The following SERPINB9 variants were observed in gnomAD, a reference collection of about 807,000 sequenced individuals.
SERPINB9 encodes serpin B9.
A neutral mutation model predicts 27.2 loss-of-function variants in SERPINB9; 20 were observed. The observed-to-expected ratio is 0.74, with a 90% CI of 0.52 to 1.07. SERPINB9 has a LOEUF of 1.07. Ranked by LOEUF, SERPINB9 falls within the 50% of genes least tolerant of loss-of-function variation. The probability of loss-of-function intolerance (pLI) is 0.00; values close to 1 mark genes in which losing one functional copy is unlikely to be tolerated. For synonymous variants in SERPINB9, 189 were observed against 180.0 expected, an observed-to-expected ratio of 1.05 and a Z score of -0.40; for missense variants, 476 against 460.1, an observed-to-expected ratio of 1.03 and a Z score of -0.32.
Position 2,894,043 on chromosome 6 carries a change from T to A in SERPINB9, c.425-490A>T, listed in dbSNP as rs556386160. 2.0e-3 allele frequency among the ~76,000 whole-genome samples: 310 copies of A among 152,244 alleles called. No individual in the cohort carries two copies. The highest frequency in any genetic ancestry group is 3.3e-3 in the Non-Finnish European group (227 of 68,002). On this transcript the variant is annotated intron_variant, in intron 4 of 6. Transcript: ENST00000380698. The surrounding 1 kb of genome is among the most constrained non-coding windows in gnomAD (Gnocchi z 4.7). ...AAGCTTTTGGAGGAGATATTCCTGCTGAATCCCCTCAACAAAGCACTAGGC... is the reference window on the plus strand; with the variant it reads ...AAGCTTTTGGAGGAGATATTCCTGCAGAATCCCCTCAACAAAGCACTAGGC...
chr6:2,893,318 G>T, intron 5 of SERPINB9, 93 bp downstream of exon 5: 2 of 1,261,976 alleles, frequency 1.6e-6, no homozygotes, highest in East Asian at 2.5e-5. Context: ...ATTCCTTTTG[G>T]CTTACGCTTA....
intron 1 of SERPINB9, among the ~76,000 whole-genome samples, chr6:2,901,697 T>G (rs1768207589): frequency 6.6e-6 from 1 of 151,808 alleles, no homozygotes. Context: ...CTGGGAGACC[T>G]CCCTGACTCC....
rs577786799 is a variant in SERPINB9 at position 2,898,489 on chromosome 6, C to G, written c.168+1955G>C. On this transcript the variant is annotated intron_variant, in intron 2 of 6. Coordinates refer to ENST00000380698, the MANE Select transcript of SERPINB9 (RefSeq NM_004155.6). ...AAATCATTTATAAAAGTAAAGATACCATATAATCACCAAAGTACAAAATGT... is the reference window on the plus strand; with the variant it reads ...AAATCATTTATAAAAGTAAAGATACGATATAATCACCAAAGTACAAAATGT... 3.6e-4 allele frequency among the ~76,000 whole-genome samples: 55 copies of G among 152,232 alleles called. No homozygotes were observed. The Middle Eastern group carries it at 0.027, about 75-fold the overall frequency.
chr6:2,900,223 A>T (rs1357313696), intron 2 of SERPINB9, among the ~76,000 whole-genome samples: 1 of 152,088 alleles, frequency 6.6e-6, no homozygotes, highest in East Asian at 1.9e-4. Context: ...GGATTAACCG[A>T]GGAAAGTTTC....
At chr6:2,900,394 G>A in intron 2 of SERPINB9, 50 bp downstream of exon 2, 1 of 1,592,392 alleles carries the variant, frequency 6.3e-7, no homozygotes, top group Non-Finnish European at 8.6e-7. Flanking sequence ...GCTGGTGACA[G>A]AACACGCAGC....
Position 2,890,345 on chromosome 6 carries a change from T to A in SERPINB9, c.949A>T (p.Lys317Ter). 6.2e-7 allele frequency: 1 copy of A among 1,614,228 alleles called. No homozygotes were observed. The highest frequency in any genetic ancestry group is 8.5e-7 in the Non-Finnish European group (1 of 1,180,042). ...RDLCLSKFVH[K>*]SFVEVNEEGT... ...TCTTCATTCACCTCCACAAAACTCT[T>A]GTGCACGAACTTGGACAGACACAGG... The change falls in exon 7 of 7, where the codon AAG (lysine) becomes TAG (stop). Residue 317 changes from lysine to a stop codon, truncating the protein, a stop_gained. Transcript: ENST00000380698. LOFTEE classifies it low-confidence loss of function (END_TRUNC). This position sits in a 1 kb window ranked among gnomAD's most constrained non-coding sequence, Gnocchi z 6.2.
chr6:2,900,885 T>TCTCTCTCTCACACACA (rs61100591), intron 1 of SERPINB9, among the ~76,000 whole-genome samples: 2 of 141,482 alleles, frequency 1.4e-5, no homozygotes, highest in African/African-American at 5.6e-5. Context: ...GCTCGCTCTC[T>TCTCTCTCTCACACACA]CACACACACA....
rs1294712904 is a variant in SERPINB9, at chr6:2,890,507, T to C, written c.787A>G (p.Thr263Ala). 1.2e-6 allele frequency: 2 copies of C among 1,614,086 alleles called. No homozygotes were observed. Among genetic ancestry groups the C allele is most frequent in the Non-Finnish European group, 1.7e-6 (2 of 1,180,034 alleles). Residue 263 changes from threonine to alanine, a missense_variant, in exon 7 of 7, where the codon ACT becomes GCT. By Grantham distance (58) the Thr-to-Ala change is moderately conservative. Transcript: ENST00000380698. The surrounding 1 kb of genome is among the most constrained non-coding windows in gnomAD (Gnocchi z 6.2). Reference protein sequence around the residue: ...AWTKPDCMKSTEVEVLLPKFK... With the variant: ...AWTKPDCMKSAEVEVLLPKFK... ...TTTGGAAGGAGAACTTCAACCTCAG[T>C]ACTCTTCATACAGTCTGGCTTGGTC...
chr6:2,893,721 C>T (rs1424140003), intron 4 of SERPINB9, among the ~76,000 whole-genome samples, 168 bp from the exon 5 acceptor site: 1 of 146,280 alleles, frequency 6.8e-6, no homozygotes, highest in Non-Finnish European at 1.6e-5. Flanking sequence ...TTCATGATTA[C>T]TGACACCTTG....
rs938209018 is a variant in SERPINB9, at chr6:2,894,301, G to A, written c.425-748C>T. Among the ~76,000 whole-genome samples, 1 of 152,166 alleles carries A rather than the reference G, an allele frequency of 6.6e-6. No individual in the cohort carries two copies. The highest frequency in any genetic ancestry group is 1.5e-5 in the Non-Finnish European group (1 of 68,014). ...TCACAGAAATGGAAATGTTCCTGGTGGTACTAAGCATAATTGGCGCAGAGG... is the reference window on the plus strand; with the variant it reads ...TCACAGAAATGGAAATGTTCCTGGTAGTACTAAGCATAATTGGCGCAGAGG... On this transcript the variant is annotated intron_variant, in intron 4 of 6. Coordinates refer to ENST00000380698, the MANE Select transcript of SERPINB9 (RefSeq NM_004155.6). The surrounding 1 kb of genome is among the most constrained non-coding windows in gnomAD (Gnocchi z 4.7).
At chr6:2,897,565 G>T (rs1768041231) in intron 2 of SERPINB9, among the ~76,000 whole-genome samples, 1 of 152,088 alleles carries the variant, frequency 6.6e-6, no homozygotes, top group Non-Finnish European at 1.5e-5. Flanking sequence ...CAAAGAGTTT[G>T]GCCAAAGATA....
In SERPINB9 at chr6:2,891,938, G is replaced by T; in HGVS notation, c.618C>A (p.Leu206=). The T allele has an allele frequency of 6.2e-7, 1 of 1,613,144 alleles. No homozygotes were observed. The highest frequency in any genetic ancestry group is 8.5e-7 in the Non-Finnish European group (1 of 1,179,864). The part of the protein sequence containing the change: ...QMMYQEATFK[L]AHVGEVRAQL... ...GCGCGCGCACCTCGCCCACGTGGGC[G>T]AGCTTAAACGTGGCCTCCTGATACA... Residue 206 remains leucine (L), a synonymous_variant, in exon 6 of 7, where the codon CTC becomes CTA. Coordinates refer to ENST00000380698, the MANE Select transcript of SERPINB9 (RefSeq NM_004155.6). This position sits in a 1 kb window ranked among gnomAD's most constrained non-coding sequence, Gnocchi z 4.0.
intron 5 of SERPINB9, among the ~76,000 whole-genome samples, 155 bp downstream of exon 5, chr6:2,893,256 C>A (rs113634045): frequency 1.7e-3 from 93 of 54,844 alleles, no homozygotes; most frequent in African/African-American, 6.8e-3. Context: ...TTACTCCTTC[C>A]GTTTTTTTCT....
rs1456839980 is a variant in SERPINB9 at position 2,888,259 on chromosome 6, T to G, written c.*1904A>C. 1 of 152,244 alleles carries G rather than the reference T, an allele frequency of 6.6e-6. No homozygotes were observed. The highest frequency in any genetic ancestry group is 2.4e-5 in the African/African-American group (1 of 41,462). The allele number at this position is 152,244 out of a possible 1,614,324, so 9.4% of individuals were successfully genotyped here. On this transcript the variant is annotated 3_prime_UTR_variant, in exon 7 of 7. Transcript: ENST00000380698. ...TGGGAATGTGGAATGGTTCAACTGCTGTGGAAAACAGTTTGTCTGTTCCTC... is the reference window on the plus strand; with the variant it reads ...TGGGAATGTGGAATGGTTCAACTGCGGTGGAAAACAGTTTGTCTGTTCCTC...
chr6:2,896,087 C>T lies in SERPINB9; in HGVS notation c.272G>A (p.Arg91Lys), dbSNP rs764447873. The T allele has an allele frequency of 5.0e-6, 8 of 1,613,738 alleles. No homozygotes were observed. The highest frequency in any genetic ancestry group is 1.7e-6 in the Non-Finnish European group (2 of 1,179,956). ...CTGACAAGTTTTCTCTCCAAAGAGC[C>T]TGTTGGCCGTTCTCAGCAGGTACTG... is the stretch of plus-strand genomic sequence containing the variant. The part of the protein sequence containing the change: ...GTQYLLRTAN[R>K]LFGEKTCQFL... Residue 91 changes from arginine (R) to lysine (K), a missense_variant, in exon 3 of 7, where the codon AGG (arginine) becomes AAG (lysine). Transcript: ENST00000380698.
At chr6:2,902,817 C>G (rs1170037734) in intron 1 of SERPINB9, among the ~76,000 whole-genome samples, 7 of 152,218 alleles carry the variant, frequency 4.6e-5, no homozygotes, top group Non-Finnish European at 1.0e-4. Context: ...TGCGCCCGGC[C>G]GAGACTGGTG....
chr6:2,890,602 G>A lies in SERPINB9; in HGVS notation c.724-32C>T, dbSNP rs62391511. The A allele has an allele frequency of 0.077, 121,840 of 1,580,554 alleles. 5,642 individuals are homozygous for A. The highest frequency in any genetic ancestry group is 0.093 in the Non-Finnish European group (108,241 of 1,159,736). The stretch of plus-strand genomic sequence containing the variant: ...GACCAGAATTAGACTTTAAGATTCC[G>A]ACTTCAGTGCACATGTACAAGCGCA... On this transcript the variant is annotated intron_variant, in intron 6 of 6. Transcript: ENST00000380698. This position sits in a 1 kb window ranked among gnomAD's most constrained non-coding sequence, Gnocchi z 6.2.
Position 2,890,303 on chromosome 6 carries a change from C to T in SERPINB9, c.991G>A (p.Ala331Thr), listed in dbSNP as rs777807743. Residue 331 changes from alanine to threonine, a missense_variant, in exon 7 of 7, where the codon GCA becomes ACA. Physicochemically the swap from Ala to Thr is moderately conservative, Grantham distance 58 (BLOSUM62 0). Coordinates refer to ENST00000380698, the MANE Select transcript of SERPINB9 (RefSeq NM_004155.6). The surrounding 1 kb of genome is among the most constrained non-coding windows in gnomAD (Gnocchi z 6.2). Reference protein sequence around the residue: ...EVNEEGTEAAAASSCFVVAEC... With the variant: ...EVNEEGTEAATASSCFVVAEC... ...GCAACTACAAAGCAGCTCGACGCTG[C>T]CGCTGCCTCGGTGCCTTCTTCATTC... The T allele has an allele frequency of 2.7e-5, 44 of 1,614,120 alleles. No homozygotes were observed. The highest frequency in any genetic ancestry group is 3.5e-5 in the Non-Finnish European group (41 of 1,180,048).
Position 2,890,407 on chromosome 6 carries a change from C to T in SERPINB9, c.887G>A (p.Gly296Asp). 1 of 1,614,174 alleles carries T rather than the reference C, an allele frequency of 6.2e-7. No homozygotes were observed. The highest frequency in any genetic ancestry group is 8.5e-7 in the Non-Finnish European group (1 of 1,180,036). Residue 296 changes from glycine (G) to aspartate (D), a missense_variant, in exon 7 of 7, where the codon GGC becomes GAC. Coordinates refer to ENST00000380698, the MANE Select transcript of SERPINB9 (RefSeq NM_004155.6). The surrounding 1 kb of genome is among the most constrained non-coding windows in gnomAD (Gnocchi z 6.2). ...HLGIVDAFQQ[G>D]KADLSAMSAE... ...TGACATTGCCGACAAGTCAGCCTTGCCCTGTTGGAAGGCATCAACAATTCC... is the reference window on the plus strand; with the variant it reads ...TGACATTGCCGACAAGTCAGCCTTGTCCTGTTGGAAGGCATCAACAATTCC...
Sources: gnomAD v4.1 joint callset for allele counts (sites outside exome capture counted in the v4.1 genomes callset) on GRCh38, gnomAD v4.1.1 for gene constraint, Gnocchi (gnomAD v3.1) non-coding constraint, MANE v1.5 for transcripts, NCBI Gene and HGNC (gene_info 2026-07-23, HGNC 2026-07-21) for gene names.